DIPK2B: variants seen among roughly 807,000 people sequenced by gnomAD.
DIPK2B encodes the protein divergent protein kinase domain 2B, also known as UPF0672 protein CXorf36.
A neutral mutation model predicts 22.2 loss-of-function variants in DIPK2B; 15 were observed. The observed-to-expected ratio is 0.68, with a 90% CI of 0.45 to 1.04. The LOEUF (loss-of-function observed/expected upper bound fraction) is 1.04. Ranked by LOEUF, DIPK2B falls within the 50% of genes least tolerant of loss-of-function variation. The pLI is 0.00. For missense variants in DIPK2B, 345 were observed against 348.3 expected, an observed-to-expected ratio of 0.99 and a Z score of 0.08; for synonymous variants, 163 against 153.2, an observed-to-expected ratio of 1.06 and a Z score of -0.47.
At chrX:45,176,636 A>G (rs149172958) in intron 2 of DIPK2B, among the ~76,000 whole-genome samples, 1 of 111,890 alleles carries the variant, frequency 8.9e-6, no homozygotes, top group Non-Finnish European at 1.9e-5. Context: ...TTTTGATCCT[A>G]GAGAAACAAT....
At chrX:45,161,342 G>C (rs2047021914) in intron 2 of DIPK2B, among the ~76,000 whole-genome samples, 1 of 112,219 alleles carries the variant, frequency 8.9e-6, no homozygotes. Flanking sequence ...AGGAGTTCGA[G>C]ACCAGCCTGG....
At chrX:45,156,375 C>T (rs1039867219) in intron 3 of DIPK2B, among the ~76,000 whole-genome samples, 2 of 111,836 alleles carry the variant, frequency 1.8e-5, no homozygotes, top group African/African-American at 3.3e-5. Context: ...CATGACTTGC[C>T]CTTCCTGGGC....
intron 1 of DIPK2B, 71 bp from the exon 2 acceptor site, chrX:45,192,086 C>G: frequency 9.7e-7 from 1 of 1,029,547 alleles, no homozygotes; most frequent in Non-Finnish European, 1.3e-6. Flanking sequence ...GACAGGAAGA[C>G]AGGGGACAAT....
intron 2 of DIPK2B, among the ~76,000 whole-genome samples, chrX:45,181,271 G>A (rs2047150426): frequency 8.9e-6 from 1 of 111,836 alleles, no homozygotes; most frequent in African/African-American, 3.2e-5. Context: ...CATGGATTGG[G>A]AGTCTCAATA....
At chrX:45,166,821 A>G (rs2047051418) in intron 2 of DIPK2B, among the ~76,000 whole-genome samples, 1 of 112,537 alleles carries the variant, frequency 8.9e-6, no homozygotes, top group Non-Finnish European at 1.9e-5. Context: ...CCGTCTCAGT[A>G]AGAAGGTTTT....
chrX:45,194,357 C>A (rs2047227864), intron 1 of DIPK2B, among the ~76,000 whole-genome samples: 2 of 110,850 alleles, frequency 1.8e-5, no homozygotes, highest in African/African-American at 6.6e-5. Context: ...TTAAGCGATT[C>A]TTCTGCCTCA....
At chrX:45,187,554 T>A (rs960738669) in intron 2 of DIPK2B, among the ~76,000 whole-genome samples, 1 of 110,695 alleles carries the variant, frequency 9.0e-6, no homozygotes, top group Non-Finnish European at 1.9e-5. Context: ...TCGTCTTCCT[T>A]AGCAGCCCTG....
chrX:45,166,302 C>T (rs752221117), intron 2 of DIPK2B, among the ~76,000 whole-genome samples: 2 of 111,238 alleles, frequency 1.8e-5, no homozygotes, highest in Admixed American at 1.9e-4. Flanking sequence ...CAGGGATGGC[C>T]TTACCACAAA....
intron 2 of DIPK2B, among the ~76,000 whole-genome samples, chrX:45,158,754 C>T (rs1021626572): frequency 1.8e-5 from 2 of 111,913 alleles, no homozygotes; most frequent in South Asian, 7.4e-4. Flanking sequence ...TCTGTACCTC[C>T]GGTTCCAGTT....
chrX:45,161,738 G>C (rs1401590017), intron 2 of DIPK2B, among the ~76,000 whole-genome samples: 1 of 112,222 alleles, frequency 8.9e-6, no homozygotes, highest in Non-Finnish European at 1.9e-5. Flanking sequence ...GAATATACAA[G>C]TCTTGGTGAT....
In DIPK2B at chrX:45,151,554, C is replaced by T; in HGVS notation, c.*98G>A. Reference sequence around the variant, plus strand: ...GAAATGAGTGTGCCTTTCTTCTCATCTTTAAAAAAGAGCTGCTTCTTTCTA... The same window carrying T: ...GAAATGAGTGTGCCTTTCTTCTCATTTTTAAAAAAGAGCTGCTTCTTTCTA... On this transcript the variant is annotated 3_prime_UTR_variant, in exon 5 of 5. Transcript: ENST00000398000. 1.2e-6 allele frequency: 1 copy of T among 848,159 alleles called. No homozygotes were observed. The allele number at this position is 848,159 out of a possible 1,213,427, so 69.9% of individuals were successfully genotyped here. A position where few individuals can be genotyped will look rare whatever the true frequency, so the allele number is the denominator to read the frequency against.
At chrX:45,179,738 A>G (rs984791763) in intron 2 of DIPK2B, among the ~76,000 whole-genome samples, 3 of 111,919 alleles carry the variant, frequency 2.7e-5, no homozygotes, top group Non-Finnish European at 5.6e-5. Flanking sequence ...CTAAGAACAT[A>G]GAGAAAAAAA....
intron 2 of DIPK2B, chrX:45,162,751 C>T: frequency 1.3e-6 from 1 of 754,098 alleles, no homozygotes; most frequent in Non-Finnish European, 1.6e-6. Flanking sequence ...CCTCTGTTGC[C>T]CCTCTCTCTC....
In DIPK2B at chrX:45,154,160, G is replaced by T. The variant is rs746590230; in HGVS notation, c.711C>A (p.Tyr237Ter). 9.9e-6 allele frequency: 12 copies of T among 1,206,505 alleles called. No homozygotes were observed. In the East Asian group the frequency reaches 3.6e-4, roughly 36 times the overall value. ...PGAEGWPLPK[Y>*]LGSCGRFLVS... ...CGAGGAATCTGCCACAGGAGCCCAGGTACTTGGGCAGCGGCCATCCCTCAG... is the reference window on the plus strand; with the variant it reads ...CGAGGAATCTGCCACAGGAGCCCAGTTACTTGGGCAGCGGCCATCCCTCAG... The change falls in exon 4 of 5, where the codon TAC (tyrosine) becomes TAA (stop). Residue 237 changes from tyrosine to a stop codon, truncating the protein, a stop_gained. Transcript: ENST00000398000. LOFTEE classifies it high-confidence loss of function.
At chrX:45,173,734 C>G (rs1467746362) in intron 2 of DIPK2B, among the ~76,000 whole-genome samples, 2 of 108,897 alleles carry the variant, frequency 1.8e-5, no homozygotes, top group Non-Finnish European at 3.8e-5. Context: ...CCACACCCAG[C>G]TAAATTTTTG....
At chrX:45,182,449 A>G (rs979734529) in intron 2 of DIPK2B, among the ~76,000 whole-genome samples, 1 of 112,802 alleles carries the variant, frequency 8.9e-6, no homozygotes, top group African/African-American at 3.2e-5. Flanking sequence ...CATTGCTAAT[A>G]GGAGGAAATC....
chrX:45,170,143 C>T (rs1233734697), intron 2 of DIPK2B, among the ~76,000 whole-genome samples: 1 of 107,126 alleles, frequency 9.3e-6, no homozygotes, highest in East Asian at 3.0e-4. Context: ...ACTCAGGAGG[C>T]TGAGGCAGGA....
intron 3 of DIPK2B, among the ~76,000 whole-genome samples, chrX:45,155,188 C>T (rs893183709): frequency 4.5e-4 from 48 of 106,372 alleles, no homozygotes; most frequent in South Asian, 1.8e-3. Flanking sequence ...TTTGGGAGGC[C>T]GACGCAGGTG....
intron 1 of DIPK2B, among the ~76,000 whole-genome samples, chrX:45,196,431 T>C: frequency 9.0e-6 from 1 of 111,685 alleles, no homozygotes; most frequent in Middle Eastern, 4.6e-3. Flanking sequence ...ACAGTAATTA[T>C]TGTCAACTTC....
Sources: gnomAD v4.1 joint callset for allele counts (sites outside exome capture counted in the v4.1 genomes callset) on GRCh38, gnomAD v4.1.1 for gene constraint, MANE v1.5 for transcripts, NCBI Gene and HGNC (gene_info 2026-07-23, HGNC 2026-07-21) for gene names.